The following BCL11A variants were observed in gnomAD, a reference collection of about 807,000 sequenced individuals.
BCL11A encodes the protein BCL11 transcription factor A.
BCL11A carries 2 observed loss-of-function variants against 55.9 expected under a neutral mutation model. The observed-to-expected ratio is 0.04, with a 90% CI of 0.01 to 0.11. BCL11A has a LOEUF of 0.11. Among genes scored for constraint, BCL11A ranks in the 10% least tolerant of loss-of-function variants. The probability of loss-of-function intolerance (pLI) is 1.00; values close to 1 mark genes in which losing one functional copy is unlikely to be tolerated. For synonymous variants in BCL11A, 465 were observed against 473.4 expected, an observed-to-expected ratio of 0.98 and a Z score of 0.23; for missense variants, 817 against 1,137.1, an observed-to-expected ratio of 0.72 and a Z score of 4.05.
chr2:60,467,159 G>GTGGTGGTAC (rs1676701881), intron 3 of BCL11A, among the ~76,000 whole-genome samples: 1 of 128,682 alleles, frequency 7.8e-6, no homozygotes. Flanking sequence ...GGTGGTGGTG[G>GTGGTGGTAC]TGGTGGTGAT....
At chr2:60,500,969 C>A (rs1038335016) in intron 2 of BCL11A, among the ~76,000 whole-genome samples, 8 of 152,202 alleles carry the variant, frequency 5.3e-5, no homozygotes, top group Admixed American at 5.2e-4. Context: ...GGTGGGCTTG[C>A]AAGCATTTCT....
At chr2:60,505,965 G>A (rs958424472) in intron 2 of BCL11A, among the ~76,000 whole-genome samples, 2 of 152,226 alleles carry the variant, frequency 1.3e-5, no homozygotes, top group African/African-American at 4.8e-5. Context: ...GAGATGGCAT[G>A]GTGGCATTTG....
chr2:60,489,983 C>T (rs1439811921), intron 2 of BCL11A, among the ~76,000 whole-genome samples: 1 of 152,134 alleles, frequency 6.6e-6, no homozygotes, highest in East Asian at 1.9e-4. Context: ...GACAAGGGAC[C>T]AATACAGACC....
intron 2 of BCL11A, among the ~76,000 whole-genome samples, chr2:60,491,030 T>C (rs1338116059): frequency 6.6e-6 from 1 of 152,034 alleles, no homozygotes; most frequent in East Asian, 1.9e-4. Flanking sequence ...CCCCACACCC[T>C]GGAGAAGAGC....
In BCL11A at chr2:60,460,214, A is replaced by T; in HGVS notation, c.*190T>A. 7.6e-7 allele frequency: 1 copy of T among 1,310,444 alleles called. No homozygotes were observed. Among genetic ancestry groups the T allele is most frequent in the Non-Finnish European group, 9.7e-7 (1 of 1,033,010 alleles). The allele number at this position is 1,310,444 out of a possible 1,614,324, so 81.2% of individuals were successfully genotyped here. A position where few individuals can be genotyped will look rare whatever the true frequency, so the allele number is the denominator to read the frequency against. ...AGAAAAAAGAAAAAGAAAAAGAAAA[A>T]AAACAGGTGTGCTGGTGACAAGCAC... On this transcript the variant is annotated 3_prime_UTR_variant, in exon 4 of 4. Transcript: ENST00000642384.
chr2:60,552,462 G>A (rs1033106464), intron 1 of BCL11A, among the ~76,000 whole-genome samples: 1 of 151,984 alleles, frequency 6.6e-6, no homozygotes, highest in Non-Finnish European at 1.5e-5. Context: ...GCAAGCGCGA[G>A]GAGCCGGCAC....
In BCL11A at chr2:60,469,929, G is replaced by A. The variant is rs1433254803; in HGVS notation, c.386-1096C>T. 2.6e-5 allele frequency among the ~76,000 whole-genome samples: 4 copies of A among 152,120 alleles called. No individual in the cohort carries two copies. The South Asian group carries it at 8.3e-4, about 32-fold the overall frequency. ...GACAAGAAAAACAGACTTTGATGGT[G>A]AACAAACAGTATGTTTTCCATTAGC... On this transcript the variant is annotated intron_variant, in intron 2 of 3. Transcript: ENST00000642384.
chr2:60,503,585 C>A (rs1202916798), intron 2 of BCL11A, among the ~76,000 whole-genome samples: 1 of 152,292 alleles, frequency 6.6e-6, no homozygotes, highest in East Asian at 1.9e-4. Context: ...GCTCCCAATA[C>A]CAGTGGCTCT....
At chr2:60,552,829 C>T (rs906095349) in intron 1 of BCL11A, among the ~76,000 whole-genome samples, 6 of 152,134 alleles carry the variant, frequency 3.9e-5, no homozygotes, top group African/African-American at 1.4e-4. Flanking sequence ...CTCCCACCCC[C>T]AGGTTTGCAT....
At chr2:60,467,137 GTT>G (rs1676687800) in intron 3 of BCL11A, among the ~76,000 whole-genome samples, 1 of 139,552 alleles carries the variant, frequency 7.2e-6, no homozygotes, top group Admixed American at 7.1e-5. Flanking sequence ...TGATGGTGGT[GTT>G]GGTGGTGATG....
intron 1 of BCL11A, among the ~76,000 whole-genome samples, chr2:60,550,177 C>T (rs1670341002): frequency 6.6e-6 from 1 of 152,118 alleles, no homozygotes; most frequent in South Asian, 2.1e-4. Flanking sequence ...GCGCGCACTC[C>T]CGGTTCCTCC....
At chr2:60,487,259 C>G (rs961952985) in intron 2 of BCL11A, among the ~76,000 whole-genome samples, 1 of 152,122 alleles carries the variant, frequency 6.6e-6, no homozygotes, top group Non-Finnish European at 1.5e-5. Context: ...TTTTGCAAGT[C>G]GATTAGCTAA....
chr2:60,476,426 G>T (rs1197010790), intron 2 of BCL11A, among the ~76,000 whole-genome samples: 1 of 152,200 alleles, frequency 6.6e-6, no homozygotes, highest in Non-Finnish European at 1.5e-5. Flanking sequence ...TCGGCCTCAT[G>T]CCAGAGCCTG....
In BCL11A at chr2:60,461,815, G is replaced by A. The variant is rs770998584; in HGVS notation, c.1097C>T (p.Ala366Val). The change falls in exon 4 of 4, where the codon GCC becomes GTC. Residue 366 changes from alanine to valine, a missense_variant. By Grantham distance (64) the Ala-to-Val change is moderately conservative. This residue lies in a region of BCL11A where 363 missense variants were observed against 486.6 expected (regional missense o/e 0.75). Coordinates refer to ENST00000642384, the MANE Select transcript of BCL11A (RefSeq NM_022893.4). ...GACCGGGGGCTGGGAGGGAGGAGGG[G>A]CGGATTGCAGAGGAGGGAGGGGGGG... ...ATPPLPPLQS[A>V]PPPSQPPVKS... is the part of the protein sequence containing the mutation. The A allele has an allele frequency of 1.9e-6, 3 of 1,613,168 alleles. No homozygotes were observed. The highest frequency in any genetic ancestry group is 2.2e-5 in the South Asian group (2 of 91,054).
chr2:60,536,359 T>C (rs1341864149), intron 2 of BCL11A: 1 of 152,110 alleles, frequency 6.6e-6, no homozygotes, highest in Non-Finnish European at 1.5e-5. Context: ...TTCTTAACTC[T>C]CTTATCCTTG....
Position 60,459,730 on chromosome 2 carries a change from A to T in BCL11A, c.*674T>A. On this transcript the variant is annotated 3_prime_UTR_variant, in exon 4 of 4. Transcript: ENST00000642384. ...AATAAACTTGTTCTGTTTTTCTGTT[A>T]ATTTGTCAATTCAAGGCCTTTTTTC... 1 of 1,038,410 alleles carries T rather than the reference A, an allele frequency of 9.6e-7. No individual in the cohort carries two copies. The highest frequency in any genetic ancestry group is 4.6e-5 in the South Asian group (1 of 21,758). The allele number at this position is 1,038,410 out of a possible 1,614,324, so 64.3% of individuals were successfully genotyped here. A position where few individuals can be genotyped will look rare whatever the true frequency, so the allele number is the denominator to read the frequency against.
Position 60,488,314 on chromosome 2 carries a change from G to A in BCL11A, c.386-19481C>T, listed in dbSNP as rs77648855. On this transcript the variant is annotated intron_variant, in intron 2 of 3. Transcript: ENST00000642384. The stretch of plus-strand genomic sequence containing the variant: ...AGAAGACCGTCTCTTTGGTGCAGTG[G>A]GAATTGCCATTGTGTCCTCCCTGGT... 4.3e-3 allele frequency among the ~76,000 whole-genome samples: 660 copies of A among 152,258 alleles called. 5 individuals are homozygous for A. Among genetic ancestry groups the A allele is most frequent in the African/African-American group, 0.015 (633 of 41,550 alleles).
chr2:60,474,679 C>T (rs1257455675), intron 2 of BCL11A, among the ~76,000 whole-genome samples: 2 of 152,216 alleles, frequency 1.3e-5, no homozygotes, highest in Non-Finnish European at 2.9e-5. Flanking sequence ...ACATACCTCA[C>T]TATGCAAAAT....
rs1248033701 is a variant in BCL11A, at chr2:60,460,183, GGAAAAAGAAAAAA to G, written c.*208_*220del. On this transcript the variant is annotated 3_prime_UTR_variant, in exon 4 of 4. Coordinates refer to ENST00000642384, the MANE Select transcript of BCL11A (RefSeq NM_022893.4). ...GAACATAAAGGAAAAAAAAAAAAAA[GGAAAAAGAAAAAA>G]GAAAAAGAAAAAGAAAAAAAACAGG... 45 of 1,264,232 alleles carry G rather than the reference GGAAAAAGAAAAAA, an allele frequency of 3.6e-5. No homozygotes were observed. The highest frequency in any genetic ancestry group is 1.5e-4 in the East Asian group (5 of 32,566). 78.3% of individuals were successfully genotyped at this position (1,264,232 alleles called of 1,614,324 possible).
Sources: allele counts gnomAD v4.1 joint callset (sites outside exome capture counted in the v4.1 genomes callset), GRCh38; gene constraint gnomAD v4.1.1; regional missense constraint gnomAD v4.1.1; transcripts MANE v1.5; gene names NCBI Gene and HGNC (gene_info 2026-07-23, HGNC 2026-07-21).